Variants in PDZD8 observed in about 807,000 individuals in gnomAD.
PDZD8 encodes the protein PDZ domain-containing protein 8.
PDZD8 carries 14 observed loss-of-function variants against 85.8 expected under a neutral mutation model. The observed-to-expected ratio is 0.16, with a 90% CI of 0.11 to 0.26. The LOEUF is 0.26. Ranked by LOEUF, PDZD8 falls within the 10% of genes least tolerant of loss-of-function variation. The pLI, the probability that PDZD8 is intolerant of heterozygous loss-of-function variation, is 1.00. For synonymous variants in PDZD8, 592 were observed against 568.6 expected (o/e 1.04, Z -0.59); for missense variants, 1,197 against 1,424.3 (o/e 0.84, Z 2.57).
chr10:117,360,566 C>T (rs1046209825), intron 1 of PDZD8, among the ~76,000 whole-genome samples: 2 of 151,934 alleles, frequency 1.3e-5, no homozygotes, highest in African/African-American at 4.8e-5. Flanking sequence ...CAACTCATAA[C>T]AAGGTACAGT....
At chr10:117,325,837 C>T (rs1392184999) in intron 2 of PDZD8, among the ~76,000 whole-genome samples, 1 of 152,146 alleles carries the variant, frequency 6.6e-6, no homozygotes, top group East Asian at 1.9e-4. Context: ...GCTCCGTTTC[C>T]CCACCCAAAT....
intron 4 of PDZD8, 51 bp downstream of exon 4, chr10:117,290,135 C>A (rs767933928): frequency 2.0e-6 from 3 of 1,489,106 alleles, no homozygotes; most frequent in Non-Finnish European, 2.7e-6. Flanking sequence ...CTCACACCTA[C>A]TTTGTAGTTT....
At position 117,375,021 on chromosome 10, in the gene PDZD8, G is replaced by C. The variant is rs778472054; in HGVS notation, c.207C>G (p.Pro69=). ...YLYGGGRDEE[P]SGAAPEGGAT... ...CGCCGCCCTCAGGGGCCGCTCCGGAGGGCTCCTCATCCCGGCCGCCGCCAT... is the reference window on the plus strand; with the variant it reads ...CGCCGCCCTCAGGGGCCGCTCCGGACGGCTCCTCATCCCGGCCGCCGCCAT... The change falls in exon 1 of 5, where the codon CCC becomes CCG. Residue 69 remains proline, a synonymous_variant. Coordinates refer to ENST00000334464, the MANE Select transcript of PDZD8 (RefSeq NM_173791.5). 4.0e-5 allele frequency: 64 copies of C among 1,588,430 alleles called. No homozygotes were observed. The highest frequency in any genetic ancestry group is 9.4e-6 in the Non-Finnish European group (11 of 1,168,002).
chr10:117,301,803 AC>A, intron 3 of PDZD8, among the ~76,000 whole-genome samples: 1 of 152,278 alleles, frequency 6.6e-6, no homozygotes, highest in South Asian at 2.1e-4. Flanking sequence ...TAGGCTAAAC[AC>A]AAAGAGATAC....
At position 117,277,524 on chromosome 10, in the gene PDZD8, T is replaced by C; in HGVS notation, c.*5744A>G. The C allele has an allele frequency of 4.6e-6, 1 of 215,426 alleles. No homozygotes were observed. The highest frequency in any genetic ancestry group is 1.6e-4 in the South Asian group (1 of 6,254). 13.3% of individuals were successfully genotyped at this position (215,426 alleles called of 1,614,324 possible). On this transcript the variant is annotated 3_prime_UTR_variant, in exon 5 of 5. Coordinates refer to ENST00000334464, the MANE Select transcript of PDZD8 (RefSeq NM_173791.5). The stretch of plus-strand genomic sequence containing the variant: ...ATTTTATTAAATATCATACAATATA[T>C]TTTGATGAAATAGGTATTGTGTAAA...
At chr10:117,309,530 C>T (rs1045248277) in intron 3 of PDZD8, among the ~76,000 whole-genome samples, 5 of 152,042 alleles carry the variant, frequency 3.3e-5, no homozygotes, top group African/African-American at 1.2e-4. Flanking sequence ...TCTCCCTCCT[C>T]ATAGCTCATC....
chr10:117,366,196 A>G (rs1444757148), intron 1 of PDZD8, among the ~76,000 whole-genome samples: 1 of 152,164 alleles, frequency 6.6e-6, no homozygotes, highest in Non-Finnish European at 1.5e-5. Flanking sequence ...TGATTTCAGC[A>G]TGTTAGTTTT....
intron 3 of PDZD8, among the ~76,000 whole-genome samples, chr10:117,296,420 C>G (rs1432262833): frequency 6.6e-6 from 1 of 152,044 alleles, no homozygotes; most frequent in Non-Finnish European, 1.5e-5. Context: ...GTTGAGATGA[C>G]AGTTCTTCCC....
intron 3 of PDZD8, among the ~76,000 whole-genome samples, chr10:117,310,854 C>T (rs1366655343): frequency 6.6e-6 from 1 of 152,096 alleles, no homozygotes; most frequent in Non-Finnish European, 1.5e-5. Context: ...GGAATCTGGC[C>T]TTAAAAAAAC....
Position 117,284,298 on chromosome 10 carries a change from T to C in PDZD8, c.2435A>G (p.Glu812Gly). The C allele has an allele frequency of 6.2e-7, 1 of 1,613,954 alleles. No homozygotes were observed. The highest frequency in any genetic ancestry group is 8.5e-7 in the Non-Finnish European group (1 of 1,179,994). ...TTCTTCAACCAAATGGGGTTCTTTTTCTTTTTCTACGTTAGTAACTACATG... is the reference window on the plus strand; with the variant it reads ...TTCTTCAACCAAATGGGGTTCTTTTCCTTTTTCTACGTTAGTAACTACATG... ...DHHVVTNVEK[E>G]KEPHLVEEVS... The change falls in exon 5 of 5, where the codon GAA (glutamate) becomes GGA (glycine). Residue 812 changes from glutamate to glycine, a missense_variant. Glu to Gly is a moderately conservative substitution (Grantham distance 98). Transcript: ENST00000334464.
intron 3 of PDZD8, among the ~76,000 whole-genome samples, chr10:117,295,379 C>T (rs1670865193): frequency 1.3e-5 from 2 of 152,152 alleles, no homozygotes; most frequent in Admixed American, 1.3e-4. Flanking sequence ...ACATCATCAA[C>T]CTTGATTTAA....
intron 3 of PDZD8, among the ~76,000 whole-genome samples, chr10:117,292,403 T>C (rs945389118): frequency 1.3e-5 from 2 of 152,118 alleles, no homozygotes; most frequent in African/African-American, 4.8e-5. Flanking sequence ...AACAACATAT[T>C]CTCTCAAATC....
At chr10:117,305,358 A>G (rs568279923) in intron 3 of PDZD8, among the ~76,000 whole-genome samples, 2 of 152,128 alleles carry the variant, frequency 1.3e-5, no homozygotes, top group Admixed American at 6.6e-5. Context: ...GGTTGCAGTG[A>G]GCAGAGATTG....
intron 1 of PDZD8, among the ~76,000 whole-genome samples, chr10:117,366,473 T>C (rs1845091865): frequency 1.3e-5 from 2 of 152,084 alleles, no homozygotes; most frequent in Non-Finnish European, 2.9e-5. Flanking sequence ...TAGGGTTTTT[T>C]TTTAAAGTTT....
chr10:117,299,717 T>C (rs1396495954), intron 3 of PDZD8, among the ~76,000 whole-genome samples: 1 of 152,138 alleles, frequency 6.6e-6, no homozygotes, highest in Non-Finnish European at 1.5e-5. Context: ...TTTTCATCCA[T>C]ATCCTATTTT....
Position 117,283,776 on chromosome 10 carries a change from C to T in PDZD8, c.2957G>A (p.Gly986Asp), listed in dbSNP as rs1844608831. ...TCCCCGTTTAGAAGGACTGTTTGGA[C>T]CACAGACCTCCGTGTCACTGCCTTC... Reference protein sequence around the residue: ...DNEGSDTEVCGPNSPSKRGNS... With the variant: ...DNEGSDTEVCDPNSPSKRGNS... Residue 986 changes from glycine (G) to aspartate (D), a missense_variant, in exon 5 of 5, where the codon GGT becomes GAT. Gly to Asp is a moderately conservative substitution (Grantham distance 94). Coordinates refer to ENST00000334464, the MANE Select transcript of PDZD8 (RefSeq NM_173791.5). 1 of 1,614,192 alleles carries T rather than the reference C, an allele frequency of 6.2e-7. No individual in the cohort carries two copies. The highest frequency in any genetic ancestry group is 1.3e-5 in the African/African-American group (1 of 75,044).
At chr10:117,348,977 G>C (rs1844754223) in intron 1 of PDZD8, among the ~76,000 whole-genome samples, 4 of 152,168 alleles carry the variant, frequency 2.6e-5, no homozygotes. Context: ...CAATAACATG[G>C]TATGGCAAGA....
At chr10:117,312,252 G>C (rs1241210675) in intron 3 of PDZD8, among the ~76,000 whole-genome samples, 2 of 152,138 alleles carry the variant, frequency 1.3e-5, no homozygotes. Context: ...AGAGAGTATG[G>C]CAAGTGTGGA....
chr10:117,371,552 C>A (rs1845192199), intron 1 of PDZD8, among the ~76,000 whole-genome samples: 1 of 152,160 alleles, frequency 6.6e-6, no homozygotes, highest in Admixed American at 6.5e-5. Context: ...CTGAGGCAGC[C>A]CTTTTCATCG....
Sources: gnomAD v4.1 joint callset for allele counts (sites outside exome capture counted in the v4.1 genomes callset) on GRCh38, gnomAD v4.1.1 for gene constraint, MANE v1.5 for transcripts, NCBI Gene and HGNC (gene_info 2026-07-23, HGNC 2026-07-21) for gene names.